Variants in TSPAN18 observed in about 807,000 individuals in gnomAD.
TSPAN18 encodes tetraspanin-18.
Under a neutral mutation model 27.3 loss-of-function variants are expected in TSPAN18, and 14 were observed. That is an observed-to-expected ratio of 0.51 (90% CI 0.34 to 0.80). The LOEUF (loss-of-function observed/expected upper bound fraction) is 0.80, where lower values mean the gene tolerates loss of function less well. TSPAN18 is among the 30% of genes least tolerant of loss of function. The pLI is 0.01. For synonymous variants in TSPAN18, 143 were observed against 136.5 expected (o/e 1.05, Z -0.33); for missense variants, 268 against 323.9 (o/e 0.83, Z 1.32).
intron 3 of TSPAN18, among the ~76,000 whole-genome samples, chr11:44,892,212 G>A (rs776889287): frequency 5.3e-5 from 8 of 152,164 alleles, no homozygotes; most frequent in Non-Finnish European, 1.2e-4. Context: ...CCTGGTACCT[G>A]CCTTTCCCCA....
intron 3 of TSPAN18, chr11:44,903,371 C>T (rs1227598683): frequency 2.2e-6 from 1 of 453,216 alleles, no homozygotes; most frequent in Non-Finnish European, 4.4e-6. Flanking sequence ...GGGGACTCTC[C>T]TTTGATGGTG....
At chr11:44,726,381 AG>A (rs1312696108), upstream of TSPAN18, 2 of 152,430 alleles carry the variant, frequency 1.3e-5, no homozygotes, top group Non-Finnish European at 2.9e-5. Context: ...CTCAGCCCTG[AG>A]GCCGGAGACA....
In TSPAN18 at chr11:44,932,268, C is replaced by G. The variant is rs1220697856; in HGVS notation, c.*3090C>G. The G allele has an allele frequency of 6.8e-6, 1 of 148,064 alleles. No homozygotes were observed. The highest frequency in any genetic ancestry group is 1.5e-5 in the Non-Finnish European group (1 of 65,848). 9.2% of individuals were successfully genotyped at this position (148,064 alleles called of 1,614,324 possible). On this transcript the variant is annotated 3_prime_UTR_variant, in exon 10 of 10. Coordinates refer to ENST00000520358, the MANE Select transcript of TSPAN18 (RefSeq NM_130783.5). ...GCCGTAGATTGCAGAGCTAATTTATCACGTTTCTCTCCTGTGAGACCCCCC... is the reference window on the plus strand; with the variant it reads ...GCCGTAGATTGCAGAGCTAATTTATGACGTTTCTCTCCTGTGAGACCCCCC...
intron 1 of TSPAN18, among the ~76,000 whole-genome samples, chr11:44,755,211 T>C (rs1855304708): frequency 6.6e-6 from 1 of 151,910 alleles, no homozygotes; most frequent in Admixed American, 6.6e-5. Context: ...GGTAGACCCT[T>C]GGGGCCCCTT....
chr11:44,908,950 C>T (rs1300660970), intron 4 of TSPAN18, among the ~76,000 whole-genome samples: 1 of 152,164 alleles, frequency 6.6e-6, no homozygotes, highest in Non-Finnish European at 1.5e-5. Context: ...AGCTAAAAGG[C>T]TCAGACAGAT....
At chr11:44,903,782 T>C in intron 3 of TSPAN18, 1 of 446,894 alleles carries the variant, frequency 2.2e-6, no homozygotes, top group South Asian at 1.6e-5. Context: ...ACACACACCA[T>C]CCTTTGTCCT....
chr11:44,893,761 G>A (rs1270850504), intron 3 of TSPAN18, among the ~76,000 whole-genome samples: 1 of 152,212 alleles, frequency 6.6e-6, no homozygotes, highest in Non-Finnish European at 1.5e-5. Flanking sequence ...GGAGGATCAA[G>A]TGAGATCATT....
intron 2 of TSPAN18, among the ~76,000 whole-genome samples, chr11:44,783,995 G>GGT (rs1565147359): frequency 6.6e-6 from 1 of 152,150 alleles, no homozygotes; most frequent in Non-Finnish European, 1.5e-5. Context: ...GCCAGGGAGG[G>GGT]GTCAGAGCAC....
intron 2 of TSPAN18, among the ~76,000 whole-genome samples, chr11:44,827,129 G>A (rs1019404680): frequency 7.2e-5 from 11 of 152,188 alleles, no homozygotes; most frequent in Admixed American, 2.0e-4. Flanking sequence ...GCTCCTTCCC[G>A]CCTCCAAGGT....
chr11:44,895,212 C>G (rs963950319), intron 3 of TSPAN18, among the ~76,000 whole-genome samples: 1 of 152,172 alleles, frequency 6.6e-6, no homozygotes, highest in Non-Finnish European at 1.5e-5. Context: ...CCACGCTACC[C>G]AAGCCATGTG....
chr11:44,731,288 T>C (rs11824702), intron 1 of TSPAN18, among the ~76,000 whole-genome samples: 11,969 of 152,166 alleles, frequency 0.079, 1,262 homozygotes, highest in African/African-American at 0.25. Context: ...CAGCAGTGCG[T>C]GGTGGTTAAA....
At chr11:44,921,654 TACAG>T (rs1432386313) in intron 8 of TSPAN18, among the ~76,000 whole-genome samples, 1 of 152,192 alleles carries the variant, frequency 6.6e-6, no homozygotes, top group Non-Finnish European at 1.5e-5. Context: ...CTGGGCCACG[TACAG>T]TTCCATGGCA....
chr11:44,881,212 T>C (rs1181759266), intron 3 of TSPAN18, among the ~76,000 whole-genome samples: 1 of 152,208 alleles, frequency 6.6e-6, no homozygotes. Flanking sequence ...TGTCTGGCAC[T>C]CGCAGATCTG....
At chr11:44,756,146 C>T (rs1293990470) in intron 1 of TSPAN18, among the ~76,000 whole-genome samples, 1 of 152,106 alleles carries the variant, frequency 6.6e-6, no homozygotes, top group Non-Finnish European at 1.5e-5. Context: ...ATCCGACTGA[C>T]TTGGGATTCT....
At chr11:44,910,304 G>A (rs922356949) in intron 5 of TSPAN18, among the ~76,000 whole-genome samples, 3 of 152,238 alleles carry the variant, frequency 2.0e-5, no homozygotes, top group Non-Finnish European at 2.9e-5. Context: ...CACACACCTA[G>A]TCTGTGTCCG....
chr11:44,894,032 C>T (rs1858947086), intron 3 of TSPAN18, among the ~76,000 whole-genome samples: 1 of 152,214 alleles, frequency 6.6e-6, no homozygotes, highest in African/African-American at 2.4e-5. Flanking sequence ...TGAGGAAGGG[C>T]AGCCCTTGGT....
intron 2 of TSPAN18, among the ~76,000 whole-genome samples, chr11:44,769,240 T>C (rs1412970149): frequency 3.9e-5 from 6 of 152,226 alleles, no homozygotes; most frequent in Non-Finnish European, 8.8e-5. Flanking sequence ...GTACCTGGAA[T>C]AAATCTCACC....
chr11:44,768,080 T>G (rs1855610657), intron 2 of TSPAN18, among the ~76,000 whole-genome samples: 1 of 152,258 alleles, frequency 6.6e-6, no homozygotes, highest in African/African-American at 2.4e-5. Context: ...TGATTGGCTA[T>G]TCTGGGTGTT....
intron 2 of TSPAN18, among the ~76,000 whole-genome samples, chr11:44,851,479 G>A (rs1265172428): frequency 6.6e-6 from 1 of 152,130 alleles, no homozygotes; most frequent in Non-Finnish European, 1.5e-5. Context: ...TCTGGAGAGT[G>A]GACTTCAGAG....
Sources: gnomAD v4.1 joint callset for allele counts (sites outside exome capture counted in the v4.1 genomes callset) on GRCh38, gnomAD v4.1.1 for gene constraint, MANE v1.5 for transcripts, NCBI Gene and HGNC (gene_info 2026-07-23, HGNC 2026-07-21) for gene names.